SLC29A4: variants seen among roughly 807,000 people sequenced by gnomAD.
The protein encoded by SLC29A4 is solute carrier family 29 member 4, also known as equilibrative nucleoside transporter 4.
Under a neutral mutation model 43.9 loss-of-function variants are expected in SLC29A4, and 36 were observed. The ratio of observed to expected loss-of-function variants is 0.82; its 90% CI spans 0.63 to 1.08. The LOEUF is 1.08. Among genes scored for constraint, SLC29A4 ranks in the 50% least tolerant of loss-of-function variants. The pLI, the probability that SLC29A4 is intolerant of heterozygous loss-of-function variation, is 0.00. For missense variants in SLC29A4, 869 were observed against 755.3 expected, an observed-to-expected ratio of 1.15 and a Z score of -1.77; for synonymous variants, 491 against 338.0, an observed-to-expected ratio of 1.45 and a Z score of -4.97.
chr7:5,298,062 G>A (rs892887067), intron 7 of SLC29A4, among the ~76,000 whole-genome samples: 2 of 152,212 alleles, frequency 1.3e-5, no homozygotes, highest in Non-Finnish European at 2.9e-5. Flanking sequence ...GCCAGGCCAT[G>A]CAGAGGCGGG....
In SLC29A4 at chr7:5,291,087, G is replaced by A. The variant is rs563430306; in HGVS notation, c.302-37G>A. 4.9e-5 allele frequency: 78 copies of A among 1,602,610 alleles called. No homozygotes were observed. The South Asian group carries it at 7.6e-4, about 16-fold the overall frequency. ...GGCAGGAGTCAGTGCAGGGGGTGGG[G>A]CCTCCCTGAGCACCTGCTGTCTCTG... On this transcript the variant is annotated intron_variant, in intron 3 of 10. Transcript: ENST00000396872.
chr7:5,294,360 C>G (rs1211550292), intron 5 of SLC29A4, among the ~76,000 whole-genome samples: 1 of 152,138 alleles, frequency 6.6e-6, no homozygotes, highest in Non-Finnish European at 1.5e-5. Flanking sequence ...TGATGGATTT[C>G]TGGCTGTATT....
chr7:5,294,150 A>C (rs561819759), intron 5 of SLC29A4, among the ~76,000 whole-genome samples: 14 of 152,104 alleles, frequency 9.2e-5, no homozygotes, highest in African/African-American at 3.4e-4. Flanking sequence ...TTTGTAGTCC[A>C]GGATGGTCTT....
rs141072158 is a variant in SLC29A4 at position 5,300,535 on chromosome 7, C to A, written c.1323C>A (p.Pro441=). ...TGTGCGTCTACCCCAGCGGCATGCC[C>A]GCCCTCCGTCACCCCGCCTGGCCCT... is the stretch of plus-strand genomic sequence containing the variant. ...FILCVYPSGM[P]ALRHPAWPCI... Residue 441 remains proline (P), a synonymous_variant, in exon 10 of 11, where the codon CCC becomes CCA. Coordinates refer to ENST00000396872, the MANE Select transcript of SLC29A4 (RefSeq NM_153247.4). 1 of 1,612,290 alleles carries A rather than the reference C, an allele frequency of 6.2e-7. No homozygotes were observed. Among genetic ancestry groups the A allele is most frequent in the Non-Finnish European group, 8.5e-7 (1 of 1,179,768 alleles).
chr7:5,289,201 G>A (rs1030894604), intron 2 of SLC29A4, among the ~76,000 whole-genome samples: 7 of 151,978 alleles, frequency 4.6e-5, no homozygotes, highest in South Asian at 2.1e-4. Flanking sequence ...GTTTGAGGCC[G>A]GCCTGAACAA....
rs1786495629 is a variant in SLC29A4, at chr7:5,306,351, C to CA, written c.*3413dup. 1 of 151,772 alleles carries CA rather than the reference C, an allele frequency of 6.6e-6. No individual in the cohort carries two copies. The highest frequency in any genetic ancestry group is 2.4e-5 in the African/African-American group (1 of 41,258). The allele number at this position is 151,772 out of a possible 1,614,324, so 9.4% of individuals were successfully genotyped here. A position where few individuals can be genotyped will look rare whatever the true frequency, so the allele number is the denominator to read the frequency against. ...CTGGGATTACAGGTGTGGGCCACCACACCCGGCTAATTTTTGTATTTTTAG... is the reference window on the plus strand; with the variant it reads ...CTGGGATTACAGGTGTGGGCCACCACAACCCGGCTAATTTTTGTATTTTTAG... On this transcript the variant is annotated 3_prime_UTR_variant, in exon 11 of 11. Transcript: ENST00000396872.
In SLC29A4 at chr7:5,291,951, C is replaced by T. The variant is rs1357565425; in HGVS notation, c.544+130C>T. On this transcript the variant is annotated intron_variant, in intron 5 of 10. Transcript: ENST00000396872. ...GCTGGCTGGGTGCCAGGTGTGTGTC[C>T]ACCTGCATGCCAGCGTGCACACCGG... The T allele has an allele frequency of 3.0e-6, 4 of 1,311,478 alleles. No homozygotes were observed. In the African/African-American group the frequency reaches 4.4e-5, roughly 14 times the overall value. The allele number at this position is 1,311,478 out of a possible 1,614,324, so 81.2% of individuals were successfully genotyped here.
At chr7:5,299,878 C>T (rs1211015811) in intron 9 of SLC29A4, among the ~76,000 whole-genome samples, 2 of 152,174 alleles carry the variant, frequency 1.3e-5, no homozygotes, top group South Asian at 2.1e-4. Flanking sequence ...ATGGTGAAAC[C>T]CCGTGTCTAC....
intron 9 of SLC29A4, among the ~76,000 whole-genome samples, chr7:5,299,991 G>A (rs546083845): frequency 3.7e-4 from 56 of 152,352 alleles, no homozygotes; most frequent in Non-Finnish European, 6.9e-4. Context: ...GGTGGAGGGT[G>A]TAGTGAGCCG....
At chr7:5,295,528 C>CAA (rs1449640397) in intron 6 of SLC29A4, among the ~76,000 whole-genome samples, 2 of 152,254 alleles carry the variant, frequency 1.3e-5, no homozygotes, top group African/African-American at 4.8e-5. Context: ...CCCTGGCCTC[C>CAA]AGCCCCTGCA....
intron 4 of SLC29A4, 85 bp downstream of exon 4, chr7:5,291,322 C>T: frequency 8.0e-7 from 1 of 1,253,818 alleles, no homozygotes; most frequent in South Asian, 1.3e-5. Context: ...TTTCCCTGAG[C>T]CTCACTCCCC....
At chr7:5,292,850 C>T (rs953647762) in intron 5 of SLC29A4, among the ~76,000 whole-genome samples, 7 of 151,626 alleles carry the variant, frequency 4.6e-5, no homozygotes, top group Non-Finnish European at 1.0e-4. Context: ...AGGTGCCCGC[C>T]ACCATGCCAG....
chr7:5,302,366 G>A (rs1025404399), intron 10 of SLC29A4, among the ~76,000 whole-genome samples: 4 of 152,094 alleles, frequency 2.6e-5, no homozygotes, highest in Non-Finnish European at 5.9e-5. Flanking sequence ...ATAGCAAGAC[G>A]GAGTCTCTAC....
chr7:5,296,932 C>T lies in SLC29A4; in HGVS notation c.620-4C>T, dbSNP rs752774005. On this transcript the variant is annotated splice_polypyrimidine_tract_variant and splice_region_variant and intron_variant, in intron 6 of 10. Transcript: ENST00000396872. ...GGCCCCGGCCCACTGTGCACGCCCC[C>T]CAGGCACGGCGGGCGTGATGATCTC... 7.2e-6 allele frequency: 11 copies of T among 1,523,486 alleles called. No homozygotes were observed. The South Asian group carries it at 8.0e-5, about 11-fold the overall frequency. The allele number at this position is 1,523,486 out of a possible 1,614,324, so 94.4% of individuals were successfully genotyped here. A position where few individuals can be genotyped will look rare whatever the true frequency, so the allele number is the denominator to read the frequency against.
In SLC29A4 at chr7:5,300,458, C is replaced by T. The variant is rs1370348458; in HGVS notation, c.1246C>T (p.His416Tyr). The T allele has an allele frequency of 5.6e-6, 9 of 1,611,360 alleles. No homozygotes were observed. The highest frequency in any genetic ancestry group is 6.8e-6 in the Non-Finnish European group (8 of 1,179,746). ...CCTGCCCGTGGACTGGCGGGGCACC[C>T]ACCTGCTGGCCTGCTCCTGCCTGCG... ...AALPVDWRGTHLLACSCLRVV... is the reference protein window; with the variant it reads ...AALPVDWRGTYLLACSCLRVV... Residue 416 changes from histidine (H) to tyrosine (Y), a missense_variant, in exon 10 of 11, where the codon CAC becomes TAC. Coordinates refer to ENST00000396872, the MANE Select transcript of SLC29A4 (RefSeq NM_153247.4).
At position 5,300,647 on chromosome 7, in the gene SLC29A4, C is replaced by T. The variant is rs750798789; in HGVS notation, c.1435C>T (p.Gln479Ter). ...ILAAGKVSPK[Q>*]RELAGNTMTV... ...GGCGGCAGGCAAAGTGAGCCCCAAG[C>T]AGCGGGAGCTGGCAGGTGAGGCCCG... Residue 479 changes from glutamine (Q) to a stop codon, truncating the protein, a stop_gained, in exon 10 of 11, where the codon CAG (glutamine) becomes TAG (stop). Transcript: ENST00000396872. LOFTEE classifies it high-confidence loss of function. 9 of 1,608,652 alleles carry T rather than the reference C, an allele frequency of 5.6e-6. No homozygotes were observed. The South Asian group carries it at 9.9e-5, about 18-fold the overall frequency.
chr7:5,295,557 C>T (rs1276204690), intron 6 of SLC29A4, among the ~76,000 whole-genome samples: 6 of 152,264 alleles, frequency 3.9e-5, no homozygotes, highest in African/African-American at 4.8e-5. Context: ...GCACTGGCCC[C>T]GGGTACCGGC....
At chr7:5,299,742 G>C (rs1466779146) in intron 9 of SLC29A4, among the ~76,000 whole-genome samples, 6 of 152,172 alleles carry the variant, frequency 3.9e-5, no homozygotes, top group African/African-American at 1.2e-4. Flanking sequence ...GAGAAGGCAG[G>C]GACACTCAGA....
rs1200446972 is a variant in SLC29A4 at position 5,287,897 on chromosome 7, C to T, written c.81C>T (p.Thr27=). The change falls in exon 2 of 11, where the codon ACC becomes ACT. Residue 27 remains threonine (T), a synonymous_variant. Transcript: ENST00000396872. ...ACCCGGGCGTAGTGATGAGCTTCAC[C>T]TTCGACAGTCACCAGCTGGAGGAGG... ...TPDPGVVMSF[T]FDSHQLEEAA... is the part of the protein sequence containing the mutation. 3 of 1,612,116 alleles carry T rather than the reference C, an allele frequency of 1.9e-6. No homozygotes were observed. Among genetic ancestry groups the T allele is most frequent in the Non-Finnish European group, 2.5e-6 (3 of 1,179,836 alleles).
Sources: gnomAD v4.1 joint callset for allele counts (sites outside exome capture counted in the v4.1 genomes callset) on GRCh38, gnomAD v4.1.1 for gene constraint, MANE v1.5 for transcripts, NCBI Gene and HGNC (gene_info 2026-07-23, HGNC 2026-07-21) for gene names.